The following EXOC4 variants were observed in gnomAD, a reference collection of about 807,000 sequenced individuals.
The protein encoded by EXOC4 is SEC8-like 1.
In EXOC4, 71 loss-of-function variants were observed where a neutral mutation model predicts 107.2. The ratio of observed to expected loss-of-function variants is 0.66; its 90% CI spans 0.55 to 0.81. EXOC4 has a LOEUF of 0.81. Ranked by LOEUF, EXOC4 falls within the 30% of genes least tolerant of loss-of-function variation. The pLI, the probability that EXOC4 is intolerant of heterozygous loss-of-function variation, is 0.00. For synonymous variants in EXOC4, 456 were observed against 441.2 expected, an observed-to-expected ratio of 1.03 and a Z score of -0.42; for missense variants, 1,108 against 1,189.6, an observed-to-expected ratio of 0.93 and a Z score of 1.01.
chr7:133,686,206 C>T lies in EXOC4; in HGVS notation c.1514+56065C>T, dbSNP rs7789625. Among the ~76,000 whole-genome samples the T allele has an allele frequency of 2.4e-3, 365 of 152,238 alleles. 5 individuals carry two copies. Among genetic ancestry groups the T allele is most frequent in the African/African-American group, 8.2e-3 (342 of 41,550 alleles). On this transcript the variant is annotated intron_variant, in intron 10 of 17. Coordinates refer to ENST00000253861, the MANE Select transcript of EXOC4 (RefSeq NM_021807.4). ...TCCTCACCAGATGTAGCCCCTTGAC[C>T]TTGGACTTTCCAGCCTTCATAACTG...
At chr7:133,905,884 C>G (rs765959095) in intron 12 of EXOC4, among the ~76,000 whole-genome samples, 2 of 152,048 alleles carry the variant, frequency 1.3e-5, no homozygotes, top group African/African-American at 4.8e-5. Context: ...AGAGCTGGCA[C>G]GGGGCTAGGC....
At chr7:133,508,257 G>T (rs1799703084) in intron 9 of EXOC4, among the ~76,000 whole-genome samples, 1 of 152,072 alleles carries the variant, frequency 6.6e-6, no homozygotes, top group Non-Finnish European at 1.5e-5. Flanking sequence ...TAACTTTGGG[G>T]TGCATCAAAT....
intron 9 of EXOC4, among the ~76,000 whole-genome samples, chr7:133,597,273 G>C (rs1325302543): frequency 6.6e-6 from 1 of 152,174 alleles, no homozygotes; most frequent in Non-Finnish European, 1.5e-5. Context: ...ATCCTTGGAG[G>C]CTGGGCGTGG....
intron 3 of EXOC4, among the ~76,000 whole-genome samples, chr7:133,304,521 AT>A (rs1454390528): frequency 1.3e-5 from 2 of 152,156 alleles, no homozygotes; most frequent in Non-Finnish European, 2.9e-5. Flanking sequence ...TGCTACTGAC[AT>A]TTGATTATAG....
intron 17 of EXOC4, among the ~76,000 whole-genome samples, chr7:134,037,531 G>A (rs1419172033): frequency 6.6e-6 from 1 of 152,084 alleles, no homozygotes; most frequent in African/African-American, 2.4e-5. Context: ...GGTGGAGAGG[G>A]GCCCTGTGTT....
chr7:133,887,712 G>C (rs1180763882), intron 11 of EXOC4, among the ~76,000 whole-genome samples: 28 of 152,134 alleles, frequency 1.8e-4, no homozygotes, highest in Admixed American at 1.8e-3. Context: ...AATAATCAGA[G>C]GCATCTCCTC....
chr7:133,929,436 A>G (rs915070364), intron 13 of EXOC4, among the ~76,000 whole-genome samples: 3 of 151,976 alleles, frequency 2.0e-5, no homozygotes, highest in African/African-American at 4.8e-5. Flanking sequence ...ATAGTTACCT[A>G]CTGCTCCCAA....
chr7:133,347,784 A>G (rs983998589), intron 5 of EXOC4, among the ~76,000 whole-genome samples: 5 of 152,134 alleles, frequency 3.3e-5, no homozygotes, highest in East Asian at 3.9e-4. Flanking sequence ...CTTGGGGCCA[A>G]TAGAATTTTA....
intron 14 of EXOC4, among the ~76,000 whole-genome samples, chr7:133,977,031 G>C (rs947930587): frequency 6.6e-6 from 1 of 152,198 alleles, no homozygotes; most frequent in Admixed American, 6.5e-5. Flanking sequence ...CTTGCTTGAG[G>C]CTTGGTGGTC....
intron 7 of EXOC4, among the ~76,000 whole-genome samples, chr7:133,435,908 G>A (rs568749879): frequency 2.0e-5 from 3 of 152,184 alleles, no homozygotes; most frequent in East Asian, 3.9e-4. Flanking sequence ...TGATACTGAA[G>A]CAAGTGGGTT....
At chr7:133,945,301 C>G (rs1800524194) in intron 14 of EXOC4, among the ~76,000 whole-genome samples, 2 of 152,324 alleles carry the variant, frequency 1.3e-5, no homozygotes, top group African/African-American at 4.8e-5. Context: ...TTGAGAACCA[C>G]TGATTTAGAG....
chr7:133,883,599 CA>C (rs1563042275), intron 11 of EXOC4, among the ~76,000 whole-genome samples: 3 of 151,690 alleles, frequency 2.0e-5, no homozygotes, highest in African/African-American at 7.3e-5. Flanking sequence ...GCTATGATCA[CA>C]CTACTGCACT....
chr7:133,496,780 C>G (rs1799485419), intron 9 of EXOC4, among the ~76,000 whole-genome samples: 1 of 151,944 alleles, frequency 6.6e-6, no homozygotes, highest in Non-Finnish European at 1.5e-5. Flanking sequence ...ATAATTTTTC[C>G]CCTTTGGGTG....
intron 9 of EXOC4, among the ~76,000 whole-genome samples, chr7:133,562,446 T>C (rs1271245132): frequency 6.6e-6 from 1 of 152,202 alleles, no homozygotes; most frequent in Non-Finnish European, 1.5e-5. Context: ...AGTGTGGTTC[T>C]CTCAATCCCA....
At chr7:133,814,365 G>C (rs1797312252) in intron 10 of EXOC4, among the ~76,000 whole-genome samples, 1 of 152,148 alleles carries the variant, frequency 6.6e-6, no homozygotes, top group Non-Finnish European at 1.5e-5. Flanking sequence ...TTTGGGGGTA[G>C]AGGGAGCTGT....
intron 7 of EXOC4, among the ~76,000 whole-genome samples, chr7:133,444,484 C>G (rs1294613494): frequency 1.3e-5 from 2 of 152,150 alleles, no homozygotes; most frequent in Non-Finnish European, 2.9e-5. Context: ...CTGCTTCCTG[C>G]CCCACGGAGC....
intron 15 of EXOC4, among the ~76,000 whole-genome samples, chr7:133,999,216 C>A (rs1794470764): frequency 6.6e-6 from 1 of 152,072 alleles, no homozygotes; most frequent in Admixed American, 6.6e-5. Context: ...CATTTGAAGT[C>A]TTTACTAGAT....
chr7:133,565,440 T>A (rs1800889563), intron 9 of EXOC4, among the ~76,000 whole-genome samples: 1 of 152,138 alleles, frequency 6.6e-6, no homozygotes, highest in South Asian at 2.1e-4. Flanking sequence ...TACTCAAAGG[T>A]ATGGGTTTTT....
At chr7:133,675,987 A>C (rs1352401235) in intron 10 of EXOC4, among the ~76,000 whole-genome samples, 2 of 152,072 alleles carry the variant, frequency 1.3e-5, no homozygotes, top group African/African-American at 4.8e-5. Flanking sequence ...AGGATGTCTC[A>C]TCTCTATGTG....
Sources: allele counts gnomAD v4.1 joint callset (sites outside exome capture counted in the v4.1 genomes callset), GRCh38; gene constraint gnomAD v4.1.1; transcripts MANE v1.5; gene names NCBI Gene and HGNC (gene_info 2026-07-23, HGNC 2026-07-21).